The following UGT1A10 variants were observed in gnomAD, a reference collection of about 807,000 sequenced individuals.
UGT1A10 encodes UDP glucuronosyltransferase family 1 member A10.
A neutral mutation model predicts 45.8 loss-of-function variants in UGT1A10; 49 were observed. The ratio of observed to expected loss-of-function variants is 1.07; its 90% CI spans 0.85 to 1.36. The LOEUF (loss-of-function observed/expected upper bound fraction) is 1.36, where lower values mean the gene tolerates loss of function less well. Ranked by LOEUF, UGT1A10 falls within the 40% of genes most tolerant of loss-of-function variation. The probability of loss-of-function intolerance (pLI) is 0.00; values close to 1 mark genes in which losing one functional copy is unlikely to be tolerated. For synonymous variants in UGT1A10, 284 were observed against 249.7 expected (o/e 1.14, Z -1.29); for missense variants, 745 against 668.6 (o/e 1.11, Z -1.26).
chr2:233,674,605 A>G (rs2074289784), intron 1 of UGT1A10, among the ~76,000 whole-genome samples: 1 of 152,042 alleles, frequency 6.6e-6, no homozygotes, highest in Non-Finnish European at 1.5e-5. Context: ...AAAATATGAA[A>G]CATCAAACTA....
chr2:233,753,031 A>G (rs1329655669), intron 1 of UGT1A10, among the ~76,000 whole-genome samples: 1 of 152,134 alleles, frequency 6.6e-6, no homozygotes, highest in African/African-American at 2.4e-5. Context: ...AACACAAAAA[A>G]CTACCATGAA....
At chr2:233,741,211 A>C (rs764528916) in intron 1 of UGT1A10, among the ~76,000 whole-genome samples, 2 of 151,912 alleles carry the variant, frequency 1.3e-5, no homozygotes, top group African/African-American at 4.9e-5. Context: ...AACTAGCCAG[A>C]GTTGTTACAG....
intron 1 of UGT1A10, among the ~76,000 whole-genome samples, chr2:233,746,331 A>C (rs1482608381): frequency 6.6e-6 from 1 of 151,784 alleles, no homozygotes; most frequent in Admixed American, 6.5e-5. Flanking sequence ...TCTACAGGGC[A>C]ATGGACATGT....
intron 1 of UGT1A10, among the ~76,000 whole-genome samples, chr2:233,670,371 T>C (rs566569670): frequency 6.6e-6 from 1 of 152,366 alleles, no homozygotes; most frequent in East Asian, 1.9e-4. Context: ...TAATTATTAT[T>C]TGACTTTTTT....
intron 1 of UGT1A10, among the ~76,000 whole-genome samples, chr2:233,645,767 T>C (rs1331467174): frequency 6.6e-6 from 1 of 152,242 alleles, no homozygotes; most frequent in Non-Finnish European, 1.5e-5. Context: ...CCCTTCCAGC[T>C]GCTTTCACAG....
At chr2:233,682,464 A>G in intron 1 of UGT1A10, 1 of 1,613,880 alleles carries the variant, frequency 6.2e-7, no homozygotes, top group African/African-American at 1.3e-5. Context: ...TTTTGCCACT[A>G]TCTTGAAGAA....
intron 4 of UGT1A10, 105 bp downstream of exon 4, chr2:233,768,544 TAA>T: frequency 7.0e-7 from 1 of 1,425,890 alleles, no homozygotes; most frequent in Non-Finnish European, 9.3e-7. Flanking sequence ...GTTTCAAATA[TAA>T]AAACAAATAC....
At chr2:233,760,944 G>C (rs1697622087) in intron 1 of UGT1A10, 18 of 1,614,082 alleles carry the variant, frequency 1.1e-5, no homozygotes, top group Non-Finnish European at 1.5e-5. Flanking sequence ...CCTTTTCACA[G>C]AACTTTCTGT....
At chr2:233,749,019 A>C (rs1274313061) in intron 1 of UGT1A10, among the ~76,000 whole-genome samples, 1 of 151,468 alleles carries the variant, frequency 6.6e-6, no homozygotes, top group Non-Finnish European at 1.5e-5. Context: ...TTAATCCAGA[A>C]TATTTGGGGT....
chr2:233,770,455 A>T (rs903654050), intron 4 of UGT1A10: 7 of 152,170 alleles, frequency 4.6e-5, no homozygotes, highest in African/African-American at 1.7e-4. Context: ...GGAGTTCGAA[A>T]CCAACCTGAC....
chr2:233,670,580 T>G (rs2074162940), intron 1 of UGT1A10, among the ~76,000 whole-genome samples: 1 of 152,226 alleles, frequency 6.6e-6, no homozygotes, highest in South Asian at 2.1e-4. Flanking sequence ...CTTTAGTATC[T>G]GGTACTGATT....
intron 1 of UGT1A10, among the ~76,000 whole-genome samples, chr2:233,683,754 T>C (rs955465237): frequency 2.6e-5 from 4 of 152,212 alleles, no homozygotes; most frequent in African/African-American, 9.6e-5. Context: ...GAATTCACTA[T>C]GCATAATTAA....
intron 1 of UGT1A10, among the ~76,000 whole-genome samples, chr2:233,687,473 A>G (rs1484827948): frequency 6.6e-6 from 1 of 151,782 alleles, no homozygotes; most frequent in East Asian, 1.9e-4. Context: ...CATTATTGGC[A>G]GACCTATTTT....
At chr2:233,709,432 G>A (rs2076076641) in intron 1 of UGT1A10, among the ~76,000 whole-genome samples, 1 of 152,082 alleles carries the variant, frequency 6.6e-6, no homozygotes, top group African/African-American at 2.4e-5. Context: ...CCTCCAGAAA[G>A]GATGACCTGC....
Position 233,646,384 on chromosome 2 carries a change from G to A in UGT1A10, c.855+9007G>A, listed in dbSNP as rs149138520. Among the ~76,000 whole-genome samples the A allele has an allele frequency of 6.1e-3, 924 of 152,246 alleles. 3 individuals carry two copies. Among genetic ancestry groups the A allele is most frequent in the South Asian group, 0.034 (164 of 4,824 alleles). ...ATTACTTATGGAAATTTCTGCAGCC[G>A]GCTTAAATTTCTCCTCAGAAAATGG... On this transcript the variant is annotated intron_variant, in intron 1 of 4. Transcript: ENST00000344644.
chr2:233,681,938 A>T (rs1005355336), intron 1 of UGT1A10: 1 of 1,611,860 alleles, frequency 6.2e-7, no homozygotes, highest in Admixed American at 1.7e-5. Flanking sequence ...AAGTTCTCTG[A>T]TGGCTCGTGC....
chr2:233,743,403 G>A (rs1209113802), intron 1 of UGT1A10: 4 of 1,297,134 alleles, frequency 3.1e-6, no homozygotes, highest in South Asian at 1.2e-5. Flanking sequence ...AGGAAGAAAG[G>A]CCCCCACTTC....
At chr2:233,692,262 T>G (rs1402145203) in intron 1 of UGT1A10, 1 of 152,496 alleles carries the variant, frequency 6.6e-6, no homozygotes, top group East Asian at 1.9e-4. Flanking sequence ...TCTTGTTCTT[T>G]GTACTTTTTC....
chr2:233,661,682 T>TCTTTC (rs1559329471), intron 1 of UGT1A10, among the ~76,000 whole-genome samples: 2 of 150,250 alleles, frequency 1.3e-5, no homozygotes, highest in Non-Finnish European at 1.5e-5. Flanking sequence ...TTTCTTTCTT[T>TCTTTC]TTAAACAAAG....
Sources: allele counts gnomAD v4.1 joint callset (sites outside exome capture counted in the v4.1 genomes callset), GRCh38; gene constraint gnomAD v4.1.1; transcripts MANE v1.5; gene names NCBI Gene and HGNC (gene_info 2026-07-23, HGNC 2026-07-21).